The following PDE4D variants were observed in gnomAD, a reference collection of about 807,000 sequenced individuals.
PDE4D encodes the protein 3',5'-cyclic-AMP phosphodiesterase 4D.
A neutral mutation model predicts 87.4 loss-of-function variants in PDE4D; 24 were observed. That is an observed-to-expected ratio of 0.27 (90% confidence interval 0.20 to 0.39). The LOEUF is 0.39. PDE4D is among the 10% of genes least tolerant of loss of function. The pLI, the probability that PDE4D is intolerant of heterozygous loss-of-function variation, is 1.00. For missense variants in PDE4D, 714 were observed against 1,041.0 expected, an observed-to-expected ratio of 0.69 and a Z score of 4.32; for synonymous variants, 384 against 383.2, an observed-to-expected ratio of 1.00 and a Z score of -0.02.
At chr5:60,022,602 C>A (rs1339269216) in intron 2 of PDE4D, 1 of 152,222 alleles carries the variant, frequency 6.6e-6, no homozygotes, top group Non-Finnish European at 1.5e-5. Flanking sequence ...TAAGATGTCA[C>A]ATCCCTCATT....
chr5:59,844,548 C>T (rs1743531457), intron 1 of PDE4D, among the ~76,000 whole-genome samples: 1 of 152,052 alleles, frequency 6.6e-6, no homozygotes, highest in Non-Finnish European at 1.5e-5. Context: ...GGTCAGCATT[C>T]CAGCCTTAGC....
chr5:59,964,241 C>CT lies in PDE4D; in HGVS notation c.272+24246dup, dbSNP rs1759765627. Among the ~76,000 whole-genome samples, 3 of 152,236 alleles carry CT rather than the reference C, an allele frequency of 2.0e-5. No individual in the cohort carries two copies. The South Asian group carries it at 6.2e-4, about 32-fold the overall frequency. On this transcript the variant is annotated intron_variant, in intron 3 of 16. Coordinates refer to the PDE4D transcript ENST00000502484. ...TCTCTTCTTAAGATTTTGACCTTTA[C>CT]TTTGGTCTCATTATGAGAATGAAAA...
At chr5:59,797,002 C>T (rs1056507189) in intron 1 of PDE4D, 1 of 152,146 alleles carries the variant, frequency 6.6e-6, no homozygotes, top group Non-Finnish European at 1.5e-5. Flanking sequence ...ATCCTCTCAG[C>T]TTTTATTGTT....
chr5:59,941,103 G>A (rs942123418), intron 3 of PDE4D, among the ~76,000 whole-genome samples: 2 of 152,134 alleles, frequency 1.3e-5, no homozygotes, highest in Non-Finnish European at 2.9e-5. Flanking sequence ...TTTAGTGAGG[G>A]GCTGGATTAT....
At chr5:60,431,348 T>C (rs1744272762) in intron 1 of PDE4D, among the ~76,000 whole-genome samples, 8 of 148,030 alleles carry the variant, frequency 5.4e-5, no homozygotes, top group Admixed American at 5.4e-4. Context: ...GTCTCCTCAC[T>C]TCTCAGATGG....
chr5:59,529,089 A>T (rs1344929687), intron 1 of PDE4D: 1 of 465,926 alleles, frequency 2.1e-6, no homozygotes, highest in Admixed American at 2.3e-5. Flanking sequence ...AGATCAGCAA[A>T]TGTCTATTCT....
At chr5:60,124,612 T>C (rs922187672) in intron 2 of PDE4D, among the ~76,000 whole-genome samples, 11 of 152,206 alleles carry the variant, frequency 7.2e-5, no homozygotes, top group Non-Finnish European at 1.3e-4. Context: ...ACTAATTTCC[T>C]CCTCTTCTCT....
chr5:59,882,958 T>C (rs1211779582), intron 1 of PDE4D, among the ~76,000 whole-genome samples: 1 of 152,168 alleles, frequency 6.6e-6, no homozygotes, highest in Non-Finnish European at 1.5e-5. Flanking sequence ...TTGTATTTTT[T>C]GGTAGAGACA....
intron 1 of PDE4D, among the ~76,000 whole-genome samples, chr5:59,854,750 G>A (rs934558512): frequency 1.3e-5 from 2 of 151,964 alleles, no homozygotes; most frequent in Non-Finnish European, 2.9e-5. Flanking sequence ...ATATAATAGA[G>A]ACAAGTAAAA....
At chr5:59,153,314 T>C (rs1272922678) in intron 5 of PDE4D, among the ~76,000 whole-genome samples, 1 of 152,226 alleles carries the variant, frequency 6.6e-6, no homozygotes, top group East Asian at 1.9e-4. Context: ...AATGTTGTCC[T>C]TTTCACAAAA....
chr5:59,619,173 T>C (rs1400840749), intron 1 of PDE4D, among the ~76,000 whole-genome samples: 1 of 152,048 alleles, frequency 6.6e-6, no homozygotes, highest in African/African-American at 2.4e-5. Flanking sequence ...TTCTGGCTTG[T>C]ACAATTTAAT....
At chr5:59,311,396 A>C (rs183571754) in intron 1 of PDE4D, among the ~76,000 whole-genome samples, 1 of 149,306 alleles carries the variant, frequency 6.7e-6, no homozygotes, top group East Asian at 2.1e-4. Flanking sequence ...AGCTCCTCGG[A>C]AGGCTGAGGC....
intron 1 of PDE4D, among the ~76,000 whole-genome samples, chr5:60,314,886 T>C (rs1206657885): frequency 2.0e-5 from 3 of 152,232 alleles, no homozygotes; most frequent in Non-Finnish European, 4.4e-5. Flanking sequence ...CAGTCTATCA[T>C]TGTTGGACAT....
intron 1 of PDE4D, among the ~76,000 whole-genome samples, chr5:59,469,783 A>G (rs1268503161): frequency 1.3e-5 from 2 of 152,110 alleles, no homozygotes; most frequent in Non-Finnish European, 2.9e-5. Flanking sequence ...TACGAAGAGG[A>G]GAGAACATCC....
At chr5:59,838,699 A>C (rs10514882) in intron 1 of PDE4D, among the ~76,000 whole-genome samples, 19,521 of 152,002 alleles carry the variant, frequency 0.13, 3,994 homozygotes, top group African/African-American at 0.43. Flanking sequence ...TTCTAGCATA[A>C]TATTTAGTGC....
intron 1 of PDE4D, among the ~76,000 whole-genome samples, chr5:60,352,001 C>T (rs1027843987): frequency 1.1e-4 from 17 of 150,242 alleles, no homozygotes; most frequent in African/African-American, 4.2e-4. Context: ...CATGTGGTCT[C>T]TCTGTGTTGT....
At chr5:60,146,820 G>T (rs577954268) in intron 2 of PDE4D, among the ~76,000 whole-genome samples, 186 of 152,064 alleles carry the variant, frequency 1.2e-3, no homozygotes, top group Non-Finnish European at 1.6e-3. Flanking sequence ...TAAAGGATCG[G>T]AATAGACATT....
chr5:59,275,467 T>C (rs1764622968), intron 1 of PDE4D: 3 of 1,562,262 alleles, frequency 1.9e-6, no homozygotes, highest in Non-Finnish European at 2.6e-6. Flanking sequence ...CTAACTGTCT[T>C]TCTGCAAAGA....
At chr5:60,201,740 G>A (rs990010463) in intron 1 of PDE4D, among the ~76,000 whole-genome samples, 3 of 152,022 alleles carry the variant, frequency 2.0e-5, no homozygotes, top group Non-Finnish European at 4.4e-5. Context: ...AATATATCCA[G>A]AACATTTCTG....
Sources: gnomAD v4.1 joint callset for allele counts (sites outside exome capture counted in the v4.1 genomes callset) on GRCh38, gnomAD v4.1.1 for gene constraint, MANE v1.5 for transcripts, NCBI Gene and HGNC (gene_info 2026-07-23, HGNC 2026-07-21) for gene names.